TSG101: variants seen among roughly 807,000 people sequenced by gnomAD.
TSG101 encodes tumor susceptibility 101.
TSG101 carries 19 observed loss-of-function variants against 48.5 expected under a neutral mutation model. The ratio of observed to expected loss-of-function variants is 0.39; its 90% CI spans 0.27 to 0.58. The LOEUF (loss-of-function observed/expected upper bound fraction) is 0.58. TSG101 is among the 20% of genes least tolerant of loss of function. TSG101 has a pLI of 0.55. For synonymous variants in TSG101, 174 were observed against 169.4 expected, an observed-to-expected ratio of 1.03 and a Z score of -0.21; for missense variants, 365 against 484.4, an observed-to-expected ratio of 0.75 and a Z score of 2.31.
At chr11:18,492,945 A>G (rs1207118906) in intron 7 of TSG101, among the ~76,000 whole-genome samples, 1 of 152,204 alleles carries the variant, frequency 6.6e-6, no homozygotes, top group Admixed American at 6.5e-5. Flanking sequence ...GAAGATTCTC[A>G]TCTACTTTGT....
chr11:18,514,943 T>C (rs1565093717), intron 3 of TSG101, 102 bp from the exon 4 acceptor site: 2 of 1,059,230 alleles, frequency 1.9e-6, no homozygotes, highest in Non-Finnish European at 2.6e-6. Flanking sequence ...TTTATACATA[T>C]ATCCGCATCC....
intron 6 of TSG101, among the ~76,000 whole-genome samples, chr11:18,503,971 A>AG (rs1222484421): frequency 1.3e-5 from 2 of 152,112 alleles, no homozygotes; most frequent in Non-Finnish European, 2.9e-5. Context: ...TGGGAGGCTG[A>AG]GGCAGGTAGA....
chr11:18,514,831 G>C lies in TSG101; in HGVS notation c.204C>G (p.Tyr68Ter). 6.5e-7 allele frequency: 1 copy of C among 1,548,864 alleles called. No individual in the cohort carries two copies. Among genetic ancestry groups the C allele is most frequent in the Non-Finnish European group, 8.6e-7 (1 of 1,158,710 alleles). ...TIPVPYRGNT[Y>*]NIPICLWLLD... ...GTAGCCATAGGCATATTGGAATATT[G>C]TATGTATTACCTGAAAAAGAAATAG... is the stretch of plus-strand genomic sequence containing the variant. Residue 68 changes from tyrosine (Y) to a stop codon, truncating the protein, a stop_gained, in exon 4 of 10, where the codon TAC becomes TAG. Transcript: ENST00000251968. LOFTEE classifies it high-confidence loss of function.
intron 7 of TSG101, among the ~76,000 whole-genome samples, chr11:18,497,150 C>T (rs1390146388): frequency 2.0e-5 from 3 of 152,020 alleles, no homozygotes; most frequent in Admixed American, 2.0e-4. Flanking sequence ...CTCATGGCCT[C>T]AGTAACAGAA....
At chr11:18,523,779 G>T (rs1025129361) in intron 1 of TSG101, among the ~76,000 whole-genome samples, 1 of 152,192 alleles carries the variant, frequency 6.6e-6, no homozygotes, top group African/African-American at 2.4e-5. Flanking sequence ...TGAGATTACA[G>T]GCATGAGCCA....
rs546481671 is a variant in TSG101, at chr11:18,526,882, C to G, written c.-66G>C. ...CAGCCGCTGCTGGGCTGCCCCAGAC[C>G]GTCCCACACAATCGCACACCCCCAA... On this transcript the variant is annotated 5_prime_UTR_variant, in exon 1 of 10. Coordinates refer to ENST00000251968, the MANE Select transcript of TSG101 (RefSeq NM_006292.4). 1.9e-6 allele frequency: 3 copies of G among 1,551,464 alleles called. No individual in the cohort carries two copies. The highest frequency in any genetic ancestry group is 2.4e-5 in the East Asian group (1 of 42,222).
At chr11:18,497,047 C>T (rs979017183) in intron 7 of TSG101, among the ~76,000 whole-genome samples, 1 of 151,880 alleles carries the variant, frequency 6.6e-6, no homozygotes, top group African/African-American at 2.4e-5. Flanking sequence ...GCCAAGATCG[C>T]GCCACTGCAC....
At chr11:18,522,468 T>C (rs1850293527) in intron 1 of TSG101, among the ~76,000 whole-genome samples, 1 of 152,194 alleles carries the variant, frequency 6.6e-6, no homozygotes, top group Non-Finnish European at 1.5e-5. Context: ...AATATCCTGT[T>C]AGCTTTGCCT....
In TSG101 at chr11:18,481,620, G is replaced by A. The variant is rs941347476; in HGVS notation, c.1083+10C>T. On this transcript the variant is annotated intron_variant, in intron 9 of 9. Transcript: ENST00000251968. Reference sequence around the variant, plus strand: ...GTTAAAAAATCTTGGAACGTAAAATGAAGAAATACCTTCAGGAAGACATCC... The same window carrying A: ...GTTAAAAAATCTTGGAACGTAAAATAAAGAAATACCTTCAGGAAGACATCC... 1 of 1,605,478 alleles carries A rather than the reference G, an allele frequency of 6.2e-7. No homozygotes were observed. The highest frequency in any genetic ancestry group is 1.7e-5 in the Admixed American group (1 of 58,478).
intron 7 of TSG101, among the ~76,000 whole-genome samples, chr11:18,489,747 A>G (rs1368853743): frequency 6.6e-6 from 1 of 152,240 alleles, no homozygotes; most frequent in African/African-American, 2.4e-5. Flanking sequence ...GCCAAACAAC[A>G]GGCAGCATTA....
intron 5 of TSG101, among the ~76,000 whole-genome samples, chr11:18,508,320 C>T (rs1850011224): frequency 2.0e-5 from 3 of 151,274 alleles, no homozygotes; most frequent in East Asian, 2.0e-4. Context: ...CTCAGCCTCC[C>T]GAGTAGCTGG....
intron 9 of TSG101, 143 bp downstream of exon 9, chr11:18,481,487 A>C (rs1849539175): frequency 6.9e-7 from 1 of 1,442,690 alleles, no homozygotes; most frequent in East Asian, 2.5e-5. Flanking sequence ...ATGGTGCAAA[A>C]CCCTACATCT....
intron 7 of TSG101, among the ~76,000 whole-genome samples, chr11:18,492,029 T>C (rs1210691658): frequency 1.3e-5 from 2 of 152,180 alleles, no homozygotes; most frequent in Non-Finnish European, 2.9e-5. Flanking sequence ...TTAAAGAAAG[T>C]GAAAAAGAGC....
intron 5 of TSG101, 110 bp downstream of exon 5, chr11:18,509,432 C>T: frequency 1.4e-6 from 2 of 1,396,492 alleles, no homozygotes; most frequent in Non-Finnish European, 1.9e-6. Flanking sequence ...AATCCACTAG[C>T]TTGATAAACT....
intron 5 of TSG101, 28 bp from the exon 6 acceptor site, chr11:18,506,951 AAAT>A (rs1849985117): frequency 6.3e-6 from 10 of 1,588,892 alleles, no homozygotes; most frequent in Non-Finnish European, 8.6e-6. Context: ...CACATTGTAA[AAAT>A]AATATACAAG....
chr11:18,480,691 A>C (rs1849518297), intron 9 of TSG101, 56 bp from the exon 10 acceptor site: 1 of 1,514,092 alleles, frequency 6.6e-7, no homozygotes, highest in Non-Finnish European at 9.1e-7. Flanking sequence ...AGGCCCAGGC[A>C]TAAAATAGAC....
intron 7 of TSG101, among the ~76,000 whole-genome samples, chr11:18,498,061 G>A (rs1849811192): frequency 6.6e-6 from 1 of 151,724 alleles, no homozygotes; most frequent in Non-Finnish European, 1.5e-5. Context: ...TCTTCTGGAT[G>A]TTGAGTGTGT....
intron 7 of TSG101, among the ~76,000 whole-genome samples, chr11:18,497,412 C>T (rs1453450460): frequency 6.6e-6 from 1 of 152,098 alleles, no homozygotes; most frequent in African/African-American, 2.4e-5. Context: ...ATGCCTAAGA[C>T]AGTACTCTTG....
intron 1 of TSG101, among the ~76,000 whole-genome samples, chr11:18,523,148 G>A (rs548352518): frequency 1.3e-5 from 2 of 152,144 alleles, no homozygotes; most frequent in South Asian, 4.2e-4. Flanking sequence ...TCTAGCTTCC[G>A]CCTCCCAAAA....
Sources: allele counts gnomAD v4.1 joint callset (sites outside exome capture counted in the v4.1 genomes callset), GRCh38; gene constraint gnomAD v4.1.1; transcripts MANE v1.5; gene names NCBI Gene and HGNC (gene_info 2026-07-23, HGNC 2026-07-21).